The following EDNRA variants were observed in gnomAD, a reference collection of about 807,000 sequenced individuals.
EDNRA encodes endothelin receptor type A.
A neutral mutation model predicts 41.4 loss-of-function variants in EDNRA; 11 were observed. The ratio of observed to expected loss-of-function variants is 0.27; its 90% confidence interval spans 0.17 to 0.44. EDNRA has a LOEUF of 0.44. EDNRA is among the 20% of genes least tolerant of loss of function. EDNRA has a pLI of 1.00. For synonymous variants in EDNRA, 172 were observed against 183.0 expected (o/e 0.94, Z 0.49); for missense variants, 294 against 531.0 (o/e 0.55, Z 4.39).
chr4:147,536,190 T>G (rs778420741), intron 5 of EDNRA, among the ~76,000 whole-genome samples, 161 bp downstream of exon 5: 6 of 152,166 alleles, frequency 3.9e-5, no homozygotes, highest in Non-Finnish European at 8.8e-5. Flanking sequence ...AAATTTCTTT[T>G]GTAAAATGGG....
chr4:147,507,214 G>T, intron 2 of EDNRA, among the ~76,000 whole-genome samples: 1 of 150,936 alleles, frequency 6.6e-6, no homozygotes, highest in East Asian at 1.9e-4. Flanking sequence ...ATTTTGAGGG[G>T]GGAAAAAAAA....
intron 3 of EDNRA, among the ~76,000 whole-genome samples, chr4:147,526,191 G>C (rs1397760031): frequency 6.6e-6 from 1 of 152,192 alleles, no homozygotes; most frequent in Non-Finnish European, 1.5e-5. Context: ...TTATTCTATT[G>C]TCAAGATCAG....
intron 2 of EDNRA, chr4:147,495,960 G>A (rs142885768): frequency 5.3e-5 from 8 of 152,270 alleles, no homozygotes; most frequent in South Asian, 4.1e-4. Context: ...CATATAAAAC[G>A]TACCTTTTGT....
intron 3 of EDNRA, 141 bp from the exon 4 acceptor site, chr4:147,532,365 A>G: frequency 1.6e-6 from 1 of 635,858 alleles, no homozygotes; most frequent in South Asian, 2.0e-5. Flanking sequence ...CTTGGTTTTC[A>G]TACCAAGACT....
intron 2 of EDNRA, among the ~76,000 whole-genome samples, chr4:147,508,250 T>C (rs1193163796): frequency 6.6e-6 from 1 of 152,206 alleles, no homozygotes; most frequent in Non-Finnish European, 1.5e-5. Flanking sequence ...GCGATTCTCA[T>C]GCCTCAGCTT....
chr4:147,521,226 A>C (rs1336134139), intron 3 of EDNRA, among the ~76,000 whole-genome samples: 1 of 152,212 alleles, frequency 6.6e-6, no homozygotes, highest in African/African-American at 2.4e-5. Flanking sequence ...TGAAACACAA[A>C]ATAAAAATGT....
chr4:147,501,938 C>T (rs1729529937), intron 2 of EDNRA, among the ~76,000 whole-genome samples: 1 of 152,212 alleles, frequency 6.6e-6, no homozygotes, highest in Admixed American at 6.5e-5. Flanking sequence ...AATTGTCCTC[C>T]ATAATAATTG....
At chr4:147,507,396 A>T (rs1171872089) in intron 2 of EDNRA, among the ~76,000 whole-genome samples, 1 of 152,244 alleles carries the variant, frequency 6.6e-6, no homozygotes, top group Non-Finnish European at 1.5e-5. Context: ...CATCTGGGTG[A>T]ATCTCCGGAG....
chr4:147,533,649 T>C (rs1301402506), intron 4 of EDNRA, among the ~76,000 whole-genome samples: 2 of 152,204 alleles, frequency 1.3e-5, no homozygotes, highest in African/African-American at 4.8e-5. Flanking sequence ...CAACTTAAAA[T>C]TGAAGTTTCT....
rs772147672 is a variant in EDNRA, at chr4:147,542,521, C to A, written c.1187C>A (p.Thr396Asn). 1 of 1,614,140 alleles carries A rather than the reference C, an allele frequency of 6.2e-7. No individual in the cohort carries two copies. Among genetic ancestry groups the A allele is most frequent in the Non-Finnish European group, 8.5e-7 (1 of 1,180,010 alleles). The change falls in exon 8 of 8, where the codon ACC becomes AAC. Residue 396 changes from threonine (T) to asparagine (N), a missense_variant. This residue lies in a region of EDNRA where 185 missense variants were observed against 390.8 expected (regional missense o/e 0.47). Transcript: ENST00000651419. ...CCCYQSKSLM[T>N]SVPMNGTSIQ... The stretch of plus-strand genomic sequence containing the variant: ...TGTTACCAGTCCAAAAGTCTGATGA[C>A]CTCGGTCCCCATGAACGGAACAAGC...
rs146092355 is a variant in EDNRA at position 147,485,705 on chromosome 4, A to G, written c.24A>G (p.Ala8=). The G allele has an allele frequency of 1.5e-4, 243 of 1,609,230 alleles. No individual in the cohort carries two copies. In the African/African-American group the frequency reaches 3.0e-3, roughly 20 times the overall value. The change falls in exon 2 of 8, where the codon GCA becomes GCG. Residue 8 remains alanine (A), a synonymous_variant. Transcript: ENST00000651419. The stretch of plus-strand genomic sequence containing the variant: ...AGATGGAAACCCTTTGCCTCAGGGC[A>G]TCCTTTTGGCTGGCACTGGTTGGAT... The part of the protein sequence containing the change: METLCLR[A]SFWLALVGCV...
intron 5 of EDNRA, 67 bp from the exon 6 acceptor site, chr4:147,539,750 T>C: frequency 6.5e-7 from 1 of 1,539,910 alleles, no homozygotes; most frequent in Non-Finnish European, 8.8e-7. Context: ...TTCTTGGTAC[T>C]GTAGTTCTTG....
chr4:147,481,501 C>G (rs1323613620), intron 1 of EDNRA, 125 bp downstream of exon 1: 1 of 152,320 alleles, frequency 6.6e-6, no homozygotes, highest in East Asian at 1.9e-4. Context: ...GACCGCCCTG[C>G]AGCTTGGGCG....
intron 1 of EDNRA, among the ~76,000 whole-genome samples, chr4:147,484,429 G>A (rs1728875850): frequency 6.6e-6 from 1 of 152,096 alleles, no homozygotes; most frequent in Admixed American, 6.5e-5. Flanking sequence ...AACAGCTCCG[G>A]CTCAGAGTTG....
At chr4:147,481,703 A>G (rs1329855516) in intron 1 of EDNRA, among the ~76,000 whole-genome samples, 1 of 152,240 alleles carries the variant, frequency 6.6e-6, no homozygotes, top group African/African-American at 2.4e-5. Context: ...TTCCCCAGGC[A>G]TGCAAGAACT....
chr4:147,527,224 C>A (rs1010435823), intron 3 of EDNRA, among the ~76,000 whole-genome samples: 1 of 152,084 alleles, frequency 6.6e-6, no homozygotes, highest in African/African-American at 2.4e-5. Flanking sequence ...AGTAATCCCA[C>A]TCAAGATAAT....
rs145830146 is a variant in EDNRA, at chr4:147,485,614, GA to G, written c.-60del. ...AATTATTTTTCCTTTTGTTTCAGGT[GA>G]AAAAAAAGTGAAGGTGTAAAAGCAG... On this transcript the variant is annotated 5_prime_UTR_variant, in exon 2 of 8. Transcript: ENST00000651419. 31 of 1,495,838 alleles carry G rather than the reference GA, an allele frequency of 2.1e-5. No individual in the cohort carries two copies. The highest frequency in any genetic ancestry group is 4.6e-5 in the Admixed American group (2 of 43,286). The allele number at this position is 1,495,838 out of a possible 1,614,324, so 92.7% of individuals were successfully genotyped here. A position where few individuals can be genotyped will look rare whatever the true frequency, so the allele number is the denominator to read the frequency against.
At chr4:147,482,151 G>T (rs1383208432) in intron 1 of EDNRA, among the ~76,000 whole-genome samples, 1 of 152,146 alleles carries the variant, frequency 6.6e-6, no homozygotes, top group Non-Finnish European at 1.5e-5. Flanking sequence ...ACTTTTACTT[G>T]TTTTTTCCTC....
In EDNRA at chr4:147,542,626, T is replaced by G; in HGVS notation, c.*8T>G. 6.2e-7 allele frequency: 1 copy of G among 1,613,414 alleles called. No individual in the cohort carries two copies. The highest frequency in any genetic ancestry group is 8.5e-7 in the Non-Finnish European group (1 of 1,179,736). Reference sequence around the variant, plus strand: ...AAGGACAGCATGAACTGACCACCCTTAGAAGCACTCCTCGGTACTCCCATA... The same window carrying G: ...AAGGACAGCATGAACTGACCACCCTGAGAAGCACTCCTCGGTACTCCCATA... On this transcript the variant is annotated 3_prime_UTR_variant, in exon 8 of 8. Transcript: ENST00000651419.
Sources: gnomAD v4.1 joint callset for allele counts (sites outside exome capture counted in the v4.1 genomes callset) on GRCh38, gnomAD v4.1.1 for gene constraint, gnomAD v4.1.1 regional missense constraint, MANE v1.5 for transcripts, NCBI Gene and HGNC (gene_info 2026-07-23, HGNC 2026-07-21) for gene names.